The following PAPPA2 variants were observed in gnomAD, a reference collection of about 807,000 sequenced individuals.
PAPPA2 encodes the protein pappalysin-2.
Under a neutral mutation model 176.4 loss-of-function variants are expected in PAPPA2, and 86 were observed. That is an observed-to-expected ratio of 0.49 (90% CI 0.41 to 0.58). PAPPA2 has a LOEUF of 0.58. Among genes scored for constraint, PAPPA2 ranks in the 20% least tolerant of loss-of-function variants. PAPPA2 has a pLI of 0.00. For missense variants in PAPPA2, 2,073 were observed against 2,256.9 expected (o/e 0.92, Z 1.65); for synonymous variants, 809 against 852.2 (o/e 0.95, Z 0.88).
chr1:176,566,922 A>G (rs1263191625), intron 2 of PAPPA2, among the ~76,000 whole-genome samples: 2 of 152,284 alleles, frequency 1.3e-5, no homozygotes, highest in Non-Finnish European at 2.9e-5. Context: ...CTGAGCCTGT[A>G]TACCCTGCAC....
chr1:176,601,407 G>A (rs1450566787), intron 3 of PAPPA2, among the ~76,000 whole-genome samples: 1 of 152,158 alleles, frequency 6.6e-6, no homozygotes, highest in Non-Finnish European at 1.5e-5. Flanking sequence ...CTAGCCCAAA[G>A]TAGTTCCTCT....
intron 2 of PAPPA2, among the ~76,000 whole-genome samples, chr1:176,567,878 A>T (rs1652078506): frequency 6.6e-6 from 1 of 152,246 alleles, no homozygotes; most frequent in Non-Finnish European, 1.5e-5. Flanking sequence ...GATAGTTTTC[A>T]AAGTGTCAAA....
chr1:176,538,185 C>T (rs554625824), intron 1 of PAPPA2, among the ~76,000 whole-genome samples: 8 of 152,318 alleles, frequency 5.3e-5, no homozygotes, highest in African/African-American at 1.9e-4. Flanking sequence ...GTCAGGATTA[C>T]CTCTTCCAAA....
intron 1 of PAPPA2, among the ~76,000 whole-genome samples, chr1:176,470,537 C>A (rs1651822889): frequency 6.6e-6 from 1 of 152,064 alleles, no homozygotes; most frequent in Non-Finnish European, 1.5e-5. Flanking sequence ...CAGTAGACAC[C>A]AGCCAGAAAT....
intron 21 of PAPPA2, chr1:176,836,946 T>C (rs1397374281): frequency 6.6e-6 from 1 of 152,162 alleles, no homozygotes; most frequent in East Asian, 1.9e-4. Context: ...TATGGAGTGA[T>C]TGAATGACTG....
chr1:176,492,228 C>A (rs1375939453), intron 1 of PAPPA2, among the ~76,000 whole-genome samples: 1 of 152,202 alleles, frequency 6.6e-6, no homozygotes, highest in Admixed American at 6.5e-5. Context: ...GAAGAGTTGG[C>A]TTAGACACGG....
chr1:176,817,875 G>A (rs1666469639), intron 21 of PAPPA2, among the ~76,000 whole-genome samples: 1 of 152,148 alleles, frequency 6.6e-6, no homozygotes, highest in African/African-American at 2.4e-5. Flanking sequence ...CTTATATTGA[G>A]AAAGGAGGAA....
intron 2 of PAPPA2, among the ~76,000 whole-genome samples, chr1:176,586,247 A>G (rs373940303): frequency 2.6e-5 from 4 of 152,174 alleles, no homozygotes; most frequent in African/African-American, 9.7e-5. Flanking sequence ...TTTGATAAAA[A>G]TTATTCAAAT....
chr1:176,479,809 G>A (rs189084183), intron 1 of PAPPA2, among the ~76,000 whole-genome samples: 183 of 152,328 alleles, frequency 1.2e-3, no homozygotes, highest in South Asian at 7.7e-3. Flanking sequence ...CAGTCAGGAA[G>A]CCTCAGCATG....
intron 2 of PAPPA2, among the ~76,000 whole-genome samples, chr1:176,575,944 T>A (rs1417471525): frequency 6.6e-6 from 1 of 152,242 alleles, no homozygotes; most frequent in Non-Finnish European, 1.5e-5. Context: ...TATTTTCCTG[T>A]GTTCCTAAAT....
intron 3 of PAPPA2, among the ~76,000 whole-genome samples, chr1:176,634,996 T>C (rs190657483): frequency 1.3e-5 from 2 of 150,066 alleles, no homozygotes; most frequent in East Asian, 2.0e-4. Context: ...GATAGATAGA[T>C]AGATAGATAG....
intron 1 of PAPPA2, among the ~76,000 whole-genome samples, chr1:176,487,183 T>TA (rs35716355): frequency 0.11 from 17,375 of 152,208 alleles, 1,041 homozygotes; most frequent in Middle Eastern, 0.2. Flanking sequence ...TAAGCAATTC[T>TA]AAAAAGGTGG....
intron 2 of PAPPA2, among the ~76,000 whole-genome samples, chr1:176,591,271 T>C (rs938552857): frequency 6.6e-6 from 1 of 152,174 alleles, no homozygotes; most frequent in Non-Finnish European, 1.5e-5. Context: ...TCTTTGGCTT[T>C]GGCACTCTCT....
rs370289912 is a variant in PAPPA2 at position 176,840,182 on chromosome 1, G to A, written c.5212G>A (p.Ala1738Thr). The A allele has an allele frequency of 2.0e-5, 33 of 1,612,998 alleles. No individual in the cohort carries two copies. The highest frequency in any genetic ancestry group is 2.5e-5 in the Non-Finnish European group (30 of 1,179,440). ...TCTAACCTCCCTACAGCCCTTCCAA[G>A]CAGATGGTTGGTGTGACACTATCAA... ...HCIQSCEPFQADGWCDTINNR... is the reference protein window; with the variant it reads ...HCIQSCEPFQTDGWCDTINNR... Residue 1738 changes from alanine (A) to threonine (T), a missense_variant, in exon 22 of 23, where the codon GCA becomes ACA. Physicochemically the swap from Ala to Thr is moderately conservative, Grantham distance 58. Around this residue, in one of 4 missense-constraint regions of PAPPA2, gnomAD observed 846 missense variants for 857.9 expected, o/e 0.99. Transcript: ENST00000367662.
intron 3 of PAPPA2, among the ~76,000 whole-genome samples, chr1:176,633,803 G>A (rs894537103): frequency 2.6e-5 from 4 of 152,156 alleles, no homozygotes; most frequent in Middle Eastern, 3.4e-3. Context: ...GACACTTCTC[G>A]AAAGAAGACA....
intron 3 of PAPPA2, among the ~76,000 whole-genome samples, chr1:176,609,938 A>T (rs1042320654): frequency 1.7e-4 from 26 of 152,146 alleles, no homozygotes; most frequent in Non-Finnish European, 3.7e-4. Flanking sequence ...CATTAAGGTG[A>T]TTGAAGAGGA....
At chr1:176,613,922 A>G (rs1235315687) in intron 3 of PAPPA2, among the ~76,000 whole-genome samples, 1 of 152,216 alleles carries the variant, frequency 6.6e-6, no homozygotes, top group African/African-American at 2.4e-5. Flanking sequence ...ACCAAACAGC[A>G]TCTCTTTTTG....
chr1:176,817,050 T>A (rs1038827388), intron 21 of PAPPA2, among the ~76,000 whole-genome samples: 1 of 152,110 alleles, frequency 6.6e-6, no homozygotes, highest in African/African-American at 2.4e-5. Context: ...CTCCTAGGAA[T>A]CCCCAGTCTG....
chr1:176,589,849 T>A (rs1032801623), intron 2 of PAPPA2, among the ~76,000 whole-genome samples: 2 of 152,242 alleles, frequency 1.3e-5, no homozygotes, highest in Non-Finnish European at 2.9e-5. Context: ...TGTCAGTCTT[T>A]ACTCTGCTAG....
Sources: gnomAD v4.1 joint callset for allele counts (sites outside exome capture counted in the v4.1 genomes callset) on GRCh38, gnomAD v4.1.1 for gene constraint, gnomAD v4.1.1 regional missense constraint, MANE v1.5 for transcripts, NCBI Gene and HGNC (gene_info 2026-07-23, HGNC 2026-07-21) for gene names.